KIFAP3: variants seen among roughly 807,000 people sequenced by gnomAD.
KIFAP3 encodes kinesin-associated protein 3.
A neutral mutation model predicts 106.5 loss-of-function variants in KIFAP3; 68 were observed. The observed-to-expected ratio is 0.64, with a 90% confidence interval of 0.53 to 0.78. The LOEUF (loss-of-function observed/expected upper bound fraction) is 0.78, where lower values mean the gene tolerates loss of function less well. Ranked by LOEUF, KIFAP3 falls within the 30% of genes least tolerant of loss-of-function variation. The pLI is 0.00. For synonymous variants in KIFAP3, 320 were observed against 311.5 expected (o/e 1.03, Z -0.29); for missense variants, 780 against 941.8 (o/e 0.83, Z 2.25).
intron 16 of KIFAP3, among the ~76,000 whole-genome samples, chr1:169,973,123 A>ATATATATATATATATG (rs1553278139): frequency 7.8e-6 from 1 of 128,666 alleles, no homozygotes; most frequent in Non-Finnish European, 1.6e-5. Context: ...ATATATATAT[A>ATATATATATATATATG]AACAACACAA....
intron 9 of KIFAP3, among the ~76,000 whole-genome samples, chr1:170,017,410 A>T (rs1334443566): frequency 6.8e-6 from 1 of 146,562 alleles, no homozygotes; most frequent in Non-Finnish European, 1.5e-5. Flanking sequence ...GGAATAAAGT[A>T]AAAAAAAAAA....
At chr1:169,973,461 C>T (rs949129593) in intron 16 of KIFAP3, among the ~76,000 whole-genome samples, 4 of 145,546 alleles carry the variant, frequency 2.7e-5, no homozygotes, top group Admixed American at 2.7e-4. Context: ...AAAAGGTGCA[C>T]ATTTGCATAC....
At chr1:170,021,446 T>TTTC (rs201226338) in intron 9 of KIFAP3, among the ~76,000 whole-genome samples, 8,823 of 145,362 alleles carry the variant, frequency 0.061, 347 homozygotes, top group Non-Finnish European at 0.094. Flanking sequence ...TTTTTTTTTT[T>TTTC]TTTTTTTTTT....
At chr1:170,064,602 C>T (rs1312777303) in intron 1 of KIFAP3, among the ~76,000 whole-genome samples, 2 of 152,200 alleles carry the variant, frequency 1.3e-5, no homozygotes, top group African/African-American at 2.4e-5. Flanking sequence ...GATCCACCAG[C>T]CTCAGCCTCC....
chr1:170,019,263 T>G (rs1161030355), intron 9 of KIFAP3, among the ~76,000 whole-genome samples: 1 of 152,094 alleles, frequency 6.6e-6, no homozygotes, highest in African/African-American at 2.4e-5. Flanking sequence ...TATGTAGAAA[T>G]AATACCAATT....
chr1:170,000,554 T>C (rs1362333584), intron 10 of KIFAP3, among the ~76,000 whole-genome samples: 3 of 152,162 alleles, frequency 2.0e-5, no homozygotes, highest in Non-Finnish European at 2.9e-5. Flanking sequence ...GCAACAATTA[T>C]TGAACATGTT....
At chr1:169,992,308 G>T in intron 10 of KIFAP3, 53 bp from the exon 11 acceptor site, 2 of 863,732 alleles carry the variant, frequency 2.3e-6, no homozygotes, top group Non-Finnish European at 3.5e-6. Flanking sequence ...TTTTTATATA[G>T]CACACTCATG....
chr1:169,983,433 A>AT (rs781574965), intron 12 of KIFAP3, 51 bp from the exon 13 acceptor site: 3 of 1,300,292 alleles, frequency 2.3e-6, no homozygotes, highest in Non-Finnish European at 3.3e-6. Flanking sequence ...AAGTTTAATA[A>AT]TTTTTTGTTT....
At chr1:170,069,602 C>T (rs1431565163) in intron 1 of KIFAP3, among the ~76,000 whole-genome samples, 1 of 151,998 alleles carries the variant, frequency 6.6e-6, no homozygotes, top group Non-Finnish European at 1.5e-5. Context: ...AAGCATCTGA[C>T]AAAACCCAAC....
chr1:170,032,699 A>G (rs1409063713), intron 7 of KIFAP3, among the ~76,000 whole-genome samples: 1 of 151,746 alleles, frequency 6.6e-6, no homozygotes, highest in Non-Finnish European at 1.5e-5. Context: ...ATAATAAAAT[A>G]GCAACATGTC....
intron 14 of KIFAP3, 51 bp from the exon 15 acceptor site, chr1:169,982,148 T>C: frequency 6.3e-7 from 1 of 1,576,652 alleles, no homozygotes; most frequent in Non-Finnish European, 8.7e-7. Context: ...CTGATCCAAA[T>C]TCATTTAGAG....
intron 3 of KIFAP3, chr1:170,041,903 TTGGGGGAAGTACTC>T: frequency 1.5e-6 from 2 of 1,337,486 alleles, no homozygotes; most frequent in Non-Finnish European, 1.9e-6. Flanking sequence ...AGGGCAACAT[TTGGGGGAAGTACTC>T]CTGGGCGATT....
chr1:169,989,713 C>T (rs1249245644), intron 11 of KIFAP3, among the ~76,000 whole-genome samples: 4 of 151,924 alleles, frequency 2.6e-5, no homozygotes, highest in South Asian at 2.1e-4. Context: ...TATAAACAAG[C>T]GTAATTAGTT....
intron 3 of KIFAP3, among the ~76,000 whole-genome samples, chr1:170,044,840 G>A (rs1299958347): frequency 6.6e-6 from 1 of 152,166 alleles, no homozygotes; most frequent in African/African-American, 2.4e-5. Context: ...AAGGTGAACA[G>A]ACAACAATCT....
intron 18 of KIFAP3, among the ~76,000 whole-genome samples, chr1:169,954,999 AG>A (rs1664932074): frequency 6.6e-6 from 1 of 152,224 alleles, no homozygotes; most frequent in Admixed American, 6.5e-5. Flanking sequence ...AAAGAATCTG[AG>A]GAAAAAAAGA....
At chr1:170,066,322 A>G (rs1415242605) in intron 1 of KIFAP3, among the ~76,000 whole-genome samples, 1 of 152,192 alleles carries the variant, frequency 6.6e-6, no homozygotes, top group African/African-American at 2.4e-5. Flanking sequence ...ATATGTACTC[A>G]AATATTTATA....
At chr1:170,046,655 A>G in intron 3 of KIFAP3, 57 bp downstream of exon 3, 1 of 1,325,568 alleles carries the variant, frequency 7.5e-7, no homozygotes. Flanking sequence ...TTGCTTGATG[A>G]ACTATAATCA....
At chr1:170,036,664 T>C (rs1169582583) in intron 5 of KIFAP3, among the ~76,000 whole-genome samples, 1 of 152,134 alleles carries the variant, frequency 6.6e-6, no homozygotes, top group South Asian at 2.1e-4. Context: ...ATTTGACCAT[T>C]ATAATCCAGA....
At chr1:169,989,920 A>C in intron 11 of KIFAP3, 1 of 805,944 alleles carries the variant, frequency 1.2e-6, no homozygotes, top group South Asian at 2.0e-5. Flanking sequence ...ATTATTTTTC[A>C]AGTAACATGC....
Sources: allele counts gnomAD v4.1 joint callset (sites outside exome capture counted in the v4.1 genomes callset), GRCh38; gene constraint gnomAD v4.1.1; transcripts MANE v1.5; gene names NCBI Gene and HGNC (gene_info 2026-07-23, HGNC 2026-07-21).